Variants in ZFHX4 observed in about 807,000 individuals in gnomAD.
ZFHX4 encodes zinc finger homeobox 4.
Under a neutral mutation model 267.6 loss-of-function variants are expected in ZFHX4, and 56 were observed. The ratio of observed to expected loss-of-function variants is 0.21; its 90% confidence interval spans 0.17 to 0.26. The LOEUF is 0.26. ZFHX4 is among the 10% of genes least tolerant of loss of function. The pLI is 1.00. For missense variants in ZFHX4, 4,332 were observed against 4,420.0 expected (o/e 0.98, Z 0.56); for synonymous variants, 1,778 against 1,665.6 (o/e 1.07, Z -1.64).
intron 4 of ZFHX4, among the ~76,000 whole-genome samples, chr8:76,809,693 T>G (rs1438045740): frequency 6.6e-6 from 1 of 152,186 alleles, no homozygotes; most frequent in Non-Finnish European, 1.5e-5. Flanking sequence ...TTGAAGGTGC[T>G]AGGCTTTGTT....
chr8:76,778,346 C>A lies in ZFHX4; in HGVS notation c.3232C>A (p.Arg1078=). 2 of 1,613,848 alleles carry A rather than the reference C, an allele frequency of 1.2e-6. No individual in the cohort carries two copies. Among genetic ancestry groups the A allele is most frequent in the South Asian group, 2.2e-5 (2 of 91,080 alleles). The change falls in exon 4 of 11, where the codon CGG becomes AGG. Residue 1078 remains arginine, a synonymous_variant. Transcript: ENST00000651372. Reference sequence around the variant, plus strand: ...GAAGCATCAGCAGACTGAGGGCCTACGGAAGCTCCAGCTCCACCAGCAAGG... The same window carrying A: ...GAAGCATCAGCAGACTGAGGGCCTAAGGAAGCTCCAGCTCCACCAGCAAGG... ...SVKHQQTEGL[R]KLQLHQQGLA...
intron 3 of ZFHX4, among the ~76,000 whole-genome samples, chr8:76,716,503 C>G (rs777184716): frequency 2.0e-5 from 3 of 152,106 alleles, no homozygotes; most frequent in Non-Finnish European, 4.4e-5. Flanking sequence ...AGAGGCTGGG[C>G]TGGAATTCTA....
chr8:76,785,802 C>T (rs1286538899), intron 4 of ZFHX4, among the ~76,000 whole-genome samples: 1 of 152,122 alleles, frequency 6.6e-6, no homozygotes, highest in Non-Finnish European at 1.5e-5. Flanking sequence ...ACATTTTTCT[C>T]AATTACGTAG....
chr8:76,746,806 T>C (rs936549216), intron 3 of ZFHX4, among the ~76,000 whole-genome samples: 1 of 152,104 alleles, frequency 6.6e-6, no homozygotes, highest in Admixed American at 6.5e-5. Flanking sequence ...GTAAAAGAAA[T>C]AGGCAATTGT....
At chr8:76,768,229 G>C (rs189164211) in intron 3 of ZFHX4, among the ~76,000 whole-genome samples, 86 of 152,268 alleles carry the variant, frequency 5.6e-4, no homozygotes, top group African/African-American at 2.0e-3. Context: ...ACAATGAAAT[G>C]ATCAAGAAAG....
intron 3 of ZFHX4, among the ~76,000 whole-genome samples, chr8:76,739,882 C>A (rs561237882): frequency 6.6e-6 from 1 of 152,074 alleles, no homozygotes; most frequent in Non-Finnish European, 1.5e-5. Context: ...ACATGATTGT[C>A]TTCTTCTTAC....
In ZFHX4 at chr8:76,855,482, C is replaced by T. The variant is rs1237802349; in HGVS notation, c.8561C>T (p.Thr2854Ile). Residue 2854 changes from threonine to isoleucine, a missense_variant, in exon 10 of 11, where the codon ACA becomes ATA. By Grantham distance (89) the Thr-to-Ile change is moderately conservative. This residue lies in a region of ZFHX4 where 1,648 missense variants were observed against 1,625.0 expected (regional missense o/e 1.01). Transcript: ENST00000651372. ...TLDTLPKPAT[T>I]PTTEVCDDKF... Reference sequence around the variant, plus strand: ...GATACTCTGCCAAAACCTGCAACCACACCTACCACGGAGGTCTGCGATGAC... The same window carrying T: ...GATACTCTGCCAAAACCTGCAACCATACCTACCACGGAGGTCTGCGATGAC... The T allele has an allele frequency of 1.2e-6, 2 of 1,613,804 alleles. No homozygotes were observed. The highest frequency in any genetic ancestry group is 2.2e-5 in the South Asian group (2 of 91,066).
chr8:76,733,518 C>T (rs1809076496), intron 3 of ZFHX4: 2 of 152,258 alleles, frequency 1.3e-5, no homozygotes, highest in African/African-American at 2.4e-5. Flanking sequence ...AATTTAATAA[C>T]GGATGTTAAA....
Position 76,854,682 on chromosome 8 carries a change from T to A in ZFHX4, c.7761T>A (p.Asp2587Glu). 1 of 1,613,236 alleles carries A rather than the reference T, an allele frequency of 6.2e-7. No individual in the cohort carries two copies. The highest frequency in any genetic ancestry group is 8.5e-7 in the Non-Finnish European group (1 of 1,179,754). Residue 2587 changes from aspartate to glutamate, a missense_variant, in exon 10 of 11, where the codon GAT becomes GAA. Coordinates refer to ENST00000651372, the MANE Select transcript of ZFHX4 (RefSeq NM_024721.5). ...AAAGGAAACTAGACGATAAAGAAGA[T>A]AATAATTGCAGTGAAAAAGAAGGAG... ...SLKRKLDDKE[D>E]NNCSEKEGGN...
chr8:76,789,435 G>A (rs1810777692), intron 4 of ZFHX4, among the ~76,000 whole-genome samples: 1 of 152,136 alleles, frequency 6.6e-6, no homozygotes, highest in Admixed American at 6.5e-5. Flanking sequence ...GCATATCACG[G>A]TAGGCAATTG....
At chr8:76,769,168 G>A (rs966305220) in intron 3 of ZFHX4, among the ~76,000 whole-genome samples, 2 of 152,084 alleles carry the variant, frequency 1.3e-5, no homozygotes, top group African/African-American at 4.8e-5. Context: ...GTAGGAGTCA[G>A]CAATGTCAAA....
chr8:76,852,214 C>G lies in ZFHX4; in HGVS notation c.5293C>G (p.Pro1765Ala). 6.2e-7 allele frequency: 1 copy of G among 1,613,550 alleles called. No homozygotes were observed. Among genetic ancestry groups the G allele is most frequent in the Non-Finnish European group, 8.5e-7 (1 of 1,179,698 alleles). ...GLPGSATFGM[P>A]GMTGMAGSLL... ...GCCAGGCTCTGCCACATTTGGGATG[C>G]CTGGCATGACAGGAATGGCTGGCTC... is the stretch of plus-strand genomic sequence containing the variant. Residue 1765 changes from proline (P) to alanine (A), a missense_variant, in exon 10 of 11, where the codon CCT (proline) becomes GCT (alanine). By Grantham distance (27) the Pro-to-Ala change is conservative (BLOSUM62 -1). This residue lies in a region of ZFHX4 where 1,371 missense variants were observed against 1,423.1 expected (regional missense o/e 0.96). Coordinates refer to ENST00000651372, the MANE Select transcript of ZFHX4 (RefSeq NM_024721.5).
intron 6 of ZFHX4, 133 bp downstream of exon 6, chr8:76,842,904 C>T: frequency 1.8e-6 from 1 of 562,210 alleles, no homozygotes; most frequent in Non-Finnish European, 3.1e-6. Flanking sequence ...TGAACATTCC[C>T]ACTACTATTC....
chr8:76,692,595 T>C (rs988299322), intron 1 of ZFHX4, among the ~76,000 whole-genome samples: 1 of 152,120 alleles, frequency 6.6e-6, no homozygotes, highest in African/African-American at 2.4e-5. Context: ...TAATAATGCA[T>C]TATTCTGGAG....
chr8:76,779,790 G>A (rs949323192), intron 4 of ZFHX4, among the ~76,000 whole-genome samples: 3 of 152,072 alleles, frequency 2.0e-5, no homozygotes, highest in Non-Finnish European at 4.4e-5. Context: ...TCTCTGCAGA[G>A]ACCAGCAATC....
Position 76,705,287 on chromosome 8 carries a change from A to C in ZFHX4, c.1199A>C (p.Gln400Pro). 6.2e-7 allele frequency: 1 copy of C among 1,614,032 alleles called. No individual in the cohort carries two copies. Among genetic ancestry groups the C allele is most frequent in the Non-Finnish European group, 8.5e-7 (1 of 1,179,900 alleles). Residue 400 changes from glutamine to proline, a missense_variant, in exon 2 of 11, where the codon CAA (glutamine) becomes CCA (proline). Coordinates refer to ENST00000651372, the MANE Select transcript of ZFHX4 (RefSeq NM_024721.5). ...GCAGAGCAGCCGCTGGGGATTACCC[A>C]AATGCCAAAGGCTGAAGTGAATCTG... ...SSAEQPLGIT[Q>P]MPKAEVNLGG...
At chr8:76,686,698 C>A (rs1483546200) in intron 1 of ZFHX4, among the ~76,000 whole-genome samples, 1 of 152,218 alleles carries the variant, frequency 6.6e-6, no homozygotes, top group Non-Finnish European at 1.5e-5. Context: ...AGAACAAATT[C>A]TTTCTTAACA....
chr8:76,686,937 T>C (rs986164598), intron 1 of ZFHX4, among the ~76,000 whole-genome samples: 1 of 151,328 alleles, frequency 6.6e-6, no homozygotes. Context: ...AGGGAGAGGG[T>C]TTCCCCCCCT....
At chr8:76,743,653 A>T (rs761490492) in intron 3 of ZFHX4, among the ~76,000 whole-genome samples, 1 of 152,164 alleles carries the variant, frequency 6.6e-6, no homozygotes, top group Non-Finnish European at 1.5e-5. Context: ...GAGTTGAATG[A>T]GTGATATTTT....
Sources: gnomAD v4.1 joint callset for allele counts (sites outside exome capture counted in the v4.1 genomes callset) on GRCh38, gnomAD v4.1.1 for gene constraint, gnomAD v4.1.1 regional missense constraint, MANE v1.5 for transcripts, NCBI Gene and HGNC (gene_info 2026-07-23, HGNC 2026-07-21) for gene names.